MIPOL1: variants seen among roughly 807,000 people sequenced by gnomAD.
MIPOL1 encodes the protein mirror-image polydactyly 1.
MIPOL1 carries 57 observed loss-of-function variants against 60.9 expected under a neutral mutation model. The ratio of observed to expected loss-of-function variants is 0.94; its 90% CI spans 0.76 to 1.17. MIPOL1 has a LOEUF of 1.17. Ranked by LOEUF, MIPOL1 falls within the 50% of genes most tolerant of loss-of-function variation. The probability of loss-of-function intolerance (pLI) is 0.00; values close to 1 mark genes in which losing one functional copy is unlikely to be tolerated. For missense variants in MIPOL1, 551 were observed against 511.6 expected (o/e 1.08, Z -0.74); for synonymous variants, 179 against 168.8 (o/e 1.06, Z -0.47).
chr14:37,436,060 C>A (rs1433804303), intron 11 of MIPOL1, among the ~76,000 whole-genome samples: 1 of 152,044 alleles, frequency 6.6e-6, no homozygotes, highest in Non-Finnish European at 1.5e-5. Context: ...TAAATGATAT[C>A]TTCACTTGCA....
rs1318097891 is a variant in MIPOL1 at position 37,550,463 on chromosome 14, T to A, written c.*3492T>A. The A allele has an allele frequency of 6.6e-6, 1 of 151,050 alleles. No homozygotes were observed. Among genetic ancestry groups the A allele is most frequent in the Admixed American group, 6.6e-5 (1 of 15,164 alleles). The allele number at this position is 151,050 out of a possible 1,614,324, so 9.4% of individuals were successfully genotyped here. On this transcript the variant is annotated 3_prime_UTR_variant, in exon 13 of 13. Coordinates refer to ENST00000684589, the MANE Select transcript of MIPOL1 (RefSeq NM_001388067.1). ...ATTTTATTGTGTTGTTGGTAACTAG[T>A]ATTTACAGCTAACCTATCTATTCAT...
intron 7 of MIPOL1, among the ~76,000 whole-genome samples, chr14:37,305,367 C>T (rs1595037708): frequency 6.6e-6 from 1 of 151,772 alleles, no homozygotes; most frequent in Non-Finnish European, 1.5e-5. Context: ...AAAGTAAGAA[C>T]TTATGTTGAA....
rs148758242 is a variant in MIPOL1 at position 37,527,701 on chromosome 14, A to G, written c.1263-19204A>G. On this transcript the variant is annotated intron_variant, in intron 12 of 12. Transcript: ENST00000684589. Reference sequence around the variant, plus strand: ...AAACTCTGCTTCTTTTCATTCAAATATTGTAAATGCTTAATTATCAAAATT... The same window carrying G: ...AAACTCTGCTTCTTTTCATTCAAATGTTGTAAATGCTTAATTATCAAAATT... 5.9e-5 allele frequency among the ~76,000 whole-genome samples: 9 copies of G among 152,240 alleles called. No homozygotes were observed. In the South Asian group the frequency reaches 1.0e-3, roughly 18 times the overall value.
At chr14:37,312,848 A>G (rs2087477327) in intron 9 of MIPOL1, among the ~76,000 whole-genome samples, 1 of 152,196 alleles carries the variant, frequency 6.6e-6, no homozygotes, top group Admixed American at 6.5e-5. Flanking sequence ...AATTGTAGAA[A>G]TATCTGGAAT....
At chr14:37,335,890 A>C (rs1341831904) in intron 9 of MIPOL1, among the ~76,000 whole-genome samples, 2 of 151,994 alleles carry the variant, frequency 1.3e-5, no homozygotes, top group Non-Finnish European at 2.9e-5. Context: ...CCTTTTATGC[A>C]CAAGTTTTTT....
chr14:37,514,432 G>A (rs1408708818), intron 12 of MIPOL1, among the ~76,000 whole-genome samples: 2 of 152,172 alleles, frequency 1.3e-5, no homozygotes, highest in African/African-American at 2.4e-5. Flanking sequence ...AAAGGAAGGT[G>A]TAGAAGTTAG....
intron 6 of MIPOL1, among the ~76,000 whole-genome samples, chr14:37,275,390 T>TA (rs557678052): frequency 2.0e-5 from 3 of 151,172 alleles, no homozygotes; most frequent in East Asian, 3.9e-4. Flanking sequence ...TCTTCTCACC[T>TA]AAAAAAAGTC....
intron 1 of MIPOL1, among the ~76,000 whole-genome samples, chr14:37,233,798 C>T (rs1971007106): frequency 6.6e-6 from 1 of 152,194 alleles, no homozygotes; most frequent in African/African-American, 2.4e-5. Context: ...AGCTAACTTT[C>T]TCAAAACACT....
At chr14:37,337,000 T>C (rs1245923479) in intron 9 of MIPOL1, among the ~76,000 whole-genome samples, 1 of 151,976 alleles carries the variant, frequency 6.6e-6, no homozygotes, top group Non-Finnish European at 1.5e-5. Flanking sequence ...TGACCTCAAG[T>C]TATCTGCCTG....
At chr14:37,224,029 C>G (rs1969280572) in intron 1 of MIPOL1, among the ~76,000 whole-genome samples, 1 of 152,118 alleles carries the variant, frequency 6.6e-6, no homozygotes, top group African/African-American at 2.4e-5. Context: ...CATTTATCTC[C>G]TCAGTTCCCT....
intron 11 of MIPOL1, among the ~76,000 whole-genome samples, chr14:37,434,200 T>C (rs991132114): frequency 6.6e-6 from 1 of 152,152 alleles, no homozygotes; most frequent in Non-Finnish European, 1.5e-5. Flanking sequence ...CTCTGTTGTT[T>C]CCTGGCTTTT....
At chr14:37,422,386 A>G (rs913572481) in intron 10 of MIPOL1, among the ~76,000 whole-genome samples, 2 of 152,018 alleles carry the variant, frequency 1.3e-5, no homozygotes, top group Non-Finnish European at 2.9e-5. Context: ...TTTCACATTC[A>G]ATATCAAAGA....
rs139746875 is a variant in MIPOL1, at chr14:37,199,289, C to T, written c.-199+1185C>T. Among the ~76,000 whole-genome samples the T allele has an allele frequency of 4.8e-3, 736 of 152,236 alleles. 2 individuals are homozygous for T. Among genetic ancestry groups the T allele is most frequent in the Admixed American group, 9.2e-3 (141 of 15,288 alleles). ...GTTCCAAAGGTAATCATTATCTGGA[C>T]TTCCAACATTATCAATGAATTTCAC... On this transcript the variant is annotated intron_variant, in intron 1 of 12. Transcript: ENST00000684589.
Position 37,433,109 on chromosome 14 carries a change from G to A in MIPOL1, c.1031+10160G>A, listed in dbSNP as rs984361437. Among the ~76,000 whole-genome samples the A allele has an allele frequency of 5.1e-4, 78 of 152,156 alleles. 1 individual carries two copies. The highest frequency in any genetic ancestry group is 4.7e-3 in the Admixed American group (72 of 15,278). On this transcript the variant is annotated intron_variant, in intron 11 of 12. Transcript: ENST00000684589. ...AGGGTCTCGCTCTGTTTCCTAGGCT[G>A]GAGTGCAGTGGTGCAATCATAGCTC... is the stretch of plus-strand genomic sequence containing the variant.
intron 9 of MIPOL1, among the ~76,000 whole-genome samples, chr14:37,355,182 A>G (rs1234268427): frequency 2.0e-5 from 3 of 148,540 alleles, no homozygotes; most frequent in African/African-American, 5.0e-5. Flanking sequence ...GTTTGGCTGG[A>G]TATGAAATTC....
intron 11 of MIPOL1, among the ~76,000 whole-genome samples, chr14:37,453,442 T>C (rs2094444302): frequency 1.3e-5 from 2 of 152,146 alleles, no homozygotes. Context: ...TGAAAAAGTC[T>C]TGAGAAAATC....
At chr14:37,393,671 C>T (rs2093305000) in intron 10 of MIPOL1, among the ~76,000 whole-genome samples, 1 of 151,524 alleles carries the variant, frequency 6.6e-6, no homozygotes, top group Admixed American at 6.6e-5. Context: ...GGCAGGCCAA[C>T]CTTTTATTTA....
chr14:37,315,173 A>C (rs2087741761), intron 9 of MIPOL1, among the ~76,000 whole-genome samples: 3 of 152,188 alleles, frequency 2.0e-5, no homozygotes, highest in Admixed American at 6.5e-5. Flanking sequence ...TGAAGACTTG[A>C]AGAAGAGAAG....
At chr14:37,500,162 A>G (rs202184013) in intron 12 of MIPOL1, 24 bp downstream of exon 12, 5 of 1,461,990 alleles carry the variant, frequency 3.4e-6, no homozygotes, top group East Asian at 2.3e-5. Flanking sequence ...TCTTGTAATA[A>G]TACTTCAAAC....
Sources: allele counts gnomAD v4.1 joint callset (sites outside exome capture counted in the v4.1 genomes callset), GRCh38; gene constraint gnomAD v4.1.1; transcripts MANE v1.5; gene names NCBI Gene and HGNC (gene_info 2026-07-23, HGNC 2026-07-21).